The following DNAJC15 variants were observed in gnomAD, a reference collection of about 807,000 sequenced individuals.
The protein encoded by DNAJC15 is dnaJ homolog subfamily C member 15.
Under a neutral mutation model 22.4 loss-of-function variants are expected in DNAJC15, and 27 were observed. That is an observed-to-expected ratio of 1.20 (90% CI 0.89 to 1.66). The LOEUF is 1.66. DNAJC15 is among the 40% of genes most tolerant of loss of function. DNAJC15 has a pLI of 0.00. For synonymous variants in DNAJC15, 79 were observed against 63.2 expected, an observed-to-expected ratio of 1.25 and a Z score of -1.19; for missense variants, 208 against 187.1, an observed-to-expected ratio of 1.11 and a Z score of -0.65.
intron 5 of DNAJC15, among the ~76,000 whole-genome samples, chr13:43,096,154 C>G (rs1379591073): frequency 6.6e-6 from 1 of 151,792 alleles, no homozygotes; most frequent in Non-Finnish European, 1.5e-5. Context: ...TTTTAAGTCT[C>G]AAAAGTCAAT....
chr13:43,030,610 A>G (rs2040400043), intron 1 of DNAJC15, among the ~76,000 whole-genome samples: 1 of 152,188 alleles, frequency 6.6e-6, no homozygotes, highest in African/African-American at 2.4e-5. Context: ...CACTTTATTT[A>G]TGGAGTCGTA....
intron 5 of DNAJC15, among the ~76,000 whole-genome samples, chr13:43,096,471 CA>C (rs2040740159): frequency 6.6e-6 from 1 of 151,978 alleles, no homozygotes. Flanking sequence ...ACTGACAAAC[CA>C]AATAGTATTC....
rs1425299796 is a variant in DNAJC15, at chr13:43,109,374, G to A, written c.*2126G>A. 3 of 152,112 alleles carry A rather than the reference G, an allele frequency of 2.0e-5. No homozygotes were observed. Among genetic ancestry groups the A allele is most frequent in the Admixed American group, 2.0e-4 (3 of 15,270 alleles). The allele number at this position is 152,112 out of a possible 1,614,324, so 9.4% of individuals were successfully genotyped here. On this transcript the variant is annotated 3_prime_UTR_variant, in exon 6 of 6. Coordinates refer to ENST00000379221, the MANE Select transcript of DNAJC15 (RefSeq NM_013238.3). Reference sequence around the variant, plus strand: ...TTTAGCAGGCATCATAAAGTTTTACGTACCAAGAAAATGTTGCTGTTTTCT... The same window carrying A: ...TTTAGCAGGCATCATAAAGTTTTACATACCAAGAAAATGTTGCTGTTTTCT...
At position 43,054,366 on chromosome 13, in the gene DNAJC15, TTTG is replaced by T. The variant is rs200741127; in HGVS notation, c.109-11311_109-11309del. 9.0e-4 allele frequency among the ~76,000 whole-genome samples: 137 copies of T among 152,282 alleles called. 3 individuals carry two copies. The East Asian group carries it at 0.022, about 24-fold the overall frequency. ...GGGATTTTGGTCTATAGGTGTTCAT[TTTG>T]TTGTTGTTATGTCATTTCCTGGTTT... On this transcript the variant is annotated intron_variant, in intron 1 of 5. Coordinates refer to ENST00000379221, the MANE Select transcript of DNAJC15 (RefSeq NM_013238.3).
At chr13:43,078,999 C>A (rs974111913) in intron 4 of DNAJC15, 2 of 178,772 alleles carry the variant, frequency 1.1e-5, no homozygotes, top group African/African-American at 4.7e-5. Flanking sequence ...TCTCTAGACT[C>A]AGTTTTATAA....
At chr13:43,057,499 A>G (rs2040537427) in intron 1 of DNAJC15, among the ~76,000 whole-genome samples, 1 of 152,020 alleles carries the variant, frequency 6.6e-6, no homozygotes, top group African/African-American at 2.4e-5. Flanking sequence ...TTTTATCCAT[A>G]TACTGTATTA....
At chr13:43,058,773 A>C (rs924468934) in intron 1 of DNAJC15, among the ~76,000 whole-genome samples, 1 of 152,186 alleles carries the variant, frequency 6.6e-6, no homozygotes, top group African/African-American at 2.4e-5. Context: ...TAAAGTCAGA[A>C]ATGGCTTCCC....
rs562651848 is a variant in DNAJC15, at chr13:43,067,999, A to G, written c.161-931A>G. 1.0e-3 allele frequency among the ~76,000 whole-genome samples: 159 copies of G among 152,254 alleles called. 1 individual carries two copies. Among genetic ancestry groups the G allele is most frequent in the Middle Eastern group, 3.4e-3 (1 of 294 alleles). ...TTCTGGCATCCTGTCTTTCACTGTA[A>G]CATGTTTGCACAGAATAACAGTATA... On this transcript the variant is annotated intron_variant, in intron 2 of 5. Transcript: ENST00000379221.
intron 3 of DNAJC15, among the ~76,000 whole-genome samples, chr13:43,076,421 A>G (rs934806626): frequency 3.9e-5 from 6 of 152,222 alleles, no homozygotes; most frequent in African/African-American, 1.4e-4. Flanking sequence ...TTTAAGCTCT[A>G]GTCATTTCCT....
chr13:43,060,993 A>G (rs1039334540), intron 1 of DNAJC15, among the ~76,000 whole-genome samples: 4 of 152,208 alleles, frequency 2.6e-5, no homozygotes, highest in East Asian at 3.9e-4. Flanking sequence ...CTTGTTGTGT[A>G]GGGAAGGGAT....
intron 1 of DNAJC15, among the ~76,000 whole-genome samples, chr13:43,033,125 C>T (rs1200879690): frequency 1.3e-5 from 2 of 152,166 alleles, no homozygotes; most frequent in Non-Finnish European, 2.9e-5. Flanking sequence ...TGAGAAATTG[C>T]CGCCATGACC....
chr13:43,033,796 A>G (rs1256406017), intron 1 of DNAJC15, among the ~76,000 whole-genome samples: 1 of 152,144 alleles, frequency 6.6e-6, no homozygotes, highest in Non-Finnish European at 1.5e-5. Context: ...TGGGAGGCCA[A>G]GGTGGGTAGA....
At chr13:43,032,844 A>G (rs2040410082) in intron 1 of DNAJC15, among the ~76,000 whole-genome samples, 1 of 152,076 alleles carries the variant, frequency 6.6e-6, no homozygotes, top group Non-Finnish European at 1.5e-5. Flanking sequence ...AAAAAGAAGT[A>G]AGTACTGTTA....
intron 1 of DNAJC15, among the ~76,000 whole-genome samples, chr13:43,039,147 G>T (rs977369627): frequency 6.6e-6 from 1 of 152,144 alleles, no homozygotes; most frequent in Non-Finnish European, 1.5e-5. Context: ...AGGATACCTG[G>T]GCTCTAGTCC....
intron 4 of DNAJC15, among the ~76,000 whole-genome samples, chr13:43,081,640 G>A (rs1003273812): frequency 1.3e-5 from 2 of 151,796 alleles, no homozygotes; most frequent in South Asian, 2.1e-4. Flanking sequence ...GGGTTTCACC[G>A]TGTTAGCAGG....
intron 4 of DNAJC15, among the ~76,000 whole-genome samples, chr13:43,079,887 A>C (rs2040653756): frequency 6.6e-6 from 1 of 152,214 alleles, no homozygotes; most frequent in African/African-American, 2.4e-5. Flanking sequence ...TGGAAAATTC[A>C]GTGATTAAGA....
intron 5 of DNAJC15, among the ~76,000 whole-genome samples, chr13:43,097,703 T>C (rs148671232): frequency 0.017 from 2,537 of 152,176 alleles, 83 homozygotes; most frequent in East Asian, 0.1. Flanking sequence ...TTTGGGAGGC[T>C]GAGGCGGGGA....
At chr13:43,040,452 G>C (rs930692429) in intron 1 of DNAJC15, among the ~76,000 whole-genome samples, 1 of 152,314 alleles carries the variant, frequency 6.6e-6, no homozygotes, top group South Asian at 2.1e-4. Context: ...ATGTTAAGTA[G>C]ATGGAAGTTG....
At chr13:43,095,372 G>C (rs186739466) in intron 5 of DNAJC15, among the ~76,000 whole-genome samples, 1 of 152,144 alleles carries the variant, frequency 6.6e-6, no homozygotes, top group Non-Finnish European at 1.5e-5. Context: ...ATCTAGAGTG[G>C]ACAGGTGATT....
Sources: allele counts gnomAD v4.1 joint callset (sites outside exome capture counted in the v4.1 genomes callset), GRCh38; gene constraint gnomAD v4.1.1; transcripts MANE v1.5; gene names NCBI Gene and HGNC (gene_info 2026-07-23, HGNC 2026-07-21).